Variants in TMPRSS15 observed in about 807,000 individuals in gnomAD.
TMPRSS15 encodes transmembrane serine protease 15.
TMPRSS15 carries 128 observed loss-of-function variants against 125.3 expected under a neutral mutation model. The observed-to-expected ratio is 1.02, with a 90% CI of 0.89 to 1.18. The LOEUF is 1.18. Ranked by LOEUF, TMPRSS15 falls within the 50% of genes most tolerant of loss-of-function variation. The pLI, the probability that TMPRSS15 is intolerant of heterozygous loss-of-function variation, is 0.00. For synonymous variants in TMPRSS15, 446 were observed against 423.2 expected (o/e 1.05, Z -0.66); for missense variants, 1,283 against 1,212.7 (o/e 1.06, Z -0.86).
intron 3 of TMPRSS15, among the ~76,000 whole-genome samples, chr21:18,389,192 GA>G (rs2075970764): frequency 6.7e-6 from 1 of 150,122 alleles, no homozygotes; most frequent in Non-Finnish European, 1.5e-5. Flanking sequence ...AAGAAGGAAG[GA>G]AGGAAAGAAA....
intron 1 of TMPRSS15, among the ~76,000 whole-genome samples, chr21:18,446,442 G>GA (rs1476953323): frequency 9.9e-5 from 15 of 151,938 alleles, no homozygotes; most frequent in African/African-American, 2.9e-4. Flanking sequence ...CAAAGAAATA[G>GA]AAAAAAATGC....
chr21:18,403,333 TGAA>T, intron 1 of TMPRSS15, 142 bp downstream of exon 1: 1 of 1,063,282 alleles, frequency 9.4e-7, no homozygotes, highest in Non-Finnish European at 1.4e-6. Flanking sequence ...TATTTTGTCA[TGAA>T]GATTAATTTG....
chr21:18,289,355 A>G (rs113259845), intron 21 of TMPRSS15, among the ~76,000 whole-genome samples: 1 of 152,102 alleles, frequency 6.6e-6, no homozygotes, highest in Non-Finnish European at 1.5e-5. Flanking sequence ...TCTACTAAAA[A>G]TGCAAAAGTA....
intron 7 of TMPRSS15, 128 bp downstream of exon 7, chr21:18,365,012 G>T (rs2075713168): frequency 6.6e-6 from 5 of 754,552 alleles, no homozygotes; most frequent in Non-Finnish European, 9.0e-6. Context: ...CAGTTTTTCA[G>T]TTGGGAGGTT....
chr21:18,276,290 C>T (rs1175472204), intron 23 of TMPRSS15, among the ~76,000 whole-genome samples: 3 of 152,246 alleles, frequency 2.0e-5, no homozygotes, highest in African/African-American at 7.2e-5. Flanking sequence ...ATTTTCTCTC[C>T]AGAAAAATGA....
intron 8 of TMPRSS15, among the ~76,000 whole-genome samples, chr21:18,356,249 C>T (rs1020755155): frequency 1.3e-4 from 19 of 151,812 alleles, no homozygotes; most frequent in African/African-American, 3.6e-4. Context: ...CGGCAATGGA[C>T]GGGGAAGACC....
At chr21:18,331,338 T>A (rs2075343596) in intron 14 of TMPRSS15, among the ~76,000 whole-genome samples, 1 of 152,192 alleles carries the variant, frequency 6.6e-6, no homozygotes, top group South Asian at 2.1e-4. Flanking sequence ...CTTAGTGGCC[T>A]TAACAAGGCA....
At position 18,403,581 on chromosome 21, in the gene TMPRSS15, G is replaced by C; in HGVS notation, c.42C>G (p.Leu14=). ...CTGCAAACATGATTTCATAGGAGCT[G>C]AGAGAATGATGCCTAGAAGATATGC... is the stretch of plus-strand genomic sequence containing the variant. The part of the protein sequence containing the change: ...KRGISSRHHS[L]SSYEIMFAAL... Residue 14 remains leucine (L), a synonymous_variant, in exon 1 of 25, where the codon CTC becomes CTG. Coordinates refer to ENST00000284885, the MANE Select transcript of TMPRSS15 (RefSeq NM_002772.3). The C allele has an allele frequency of 6.2e-7, 1 of 1,614,156 alleles. No individual in the cohort carries two copies. Among genetic ancestry groups the C allele is most frequent in the Non-Finnish European group, 8.5e-7 (1 of 1,180,016 alleles).
chr21:18,311,630 T>C (rs1283799834), intron 18 of TMPRSS15, among the ~76,000 whole-genome samples: 1 of 152,144 alleles, frequency 6.6e-6, no homozygotes, highest in Non-Finnish European at 1.5e-5. Flanking sequence ...ACCCATAGAC[T>C]GTTGGGGAAA....
intron 9 of TMPRSS15, 118 bp downstream of exon 9, chr21:18,353,605 T>C: frequency 1.2e-6 from 1 of 861,146 alleles, no homozygotes; most frequent in Non-Finnish European, 1.8e-6. Flanking sequence ...AAGATGCACA[T>C]ACAAGATACT....
At chr21:18,463,993 T>C (rs1978604253) in intron 1 of TMPRSS15, among the ~76,000 whole-genome samples, 1 of 151,580 alleles carries the variant, frequency 6.6e-6, no homozygotes. Context: ...GCAAACACAG[T>C]GAAACCCTGT....
rs745336763 is a variant in TMPRSS15 at position 18,365,140 on chromosome 21, C to G, written c.773G>C (p.Arg258Pro). The G allele has an allele frequency of 1.2e-6, 2 of 1,611,406 alleles. No homozygotes were observed. Among genetic ancestry groups the G allele is most frequent in the Non-Finnish European group, 1.7e-6 (2 of 1,177,606 alleles). ...CAGAAAATATAAGATCTTGTATTAC[C>G]GTATGATCCACTGGCAGACAACACT... The part of the protein sequence containing the change: ...ETSVVCQWII[R>P]VNQGLSIKLS... Residue 258 changes from arginine (R) to proline (P), a missense_variant and splice_region_variant, in exon 7 of 25, where the codon CGT becomes CCT. Physicochemically the swap from Arg to Pro is moderately radical, Grantham distance 103. Coordinates refer to ENST00000284885, the MANE Select transcript of TMPRSS15 (RefSeq NM_002772.3).
intron 6 of TMPRSS15, among the ~76,000 whole-genome samples, chr21:18,365,998 A>G (rs1352722364): frequency 1.3e-5 from 2 of 151,786 alleles, no homozygotes; most frequent in East Asian, 3.9e-4. Flanking sequence ...GACTCCCAAA[A>G]TGCTGGGATT....
At chr21:18,351,960 C>T (rs998273078) in intron 10 of TMPRSS15, among the ~76,000 whole-genome samples, 15 of 152,038 alleles carry the variant, frequency 9.9e-5, no homozygotes, top group African/African-American at 3.6e-4. Flanking sequence ...AGAACCATAG[C>T]TGGTTAGAGG....
At chr21:18,455,717 T>C (rs1213354734) in intron 1 of TMPRSS15, among the ~76,000 whole-genome samples, 2 of 152,196 alleles carry the variant, frequency 1.3e-5, no homozygotes, top group Non-Finnish European at 2.9e-5. Context: ...AAATCTAGTT[T>C]TAGGTTAGCT....
At chr21:18,280,575 CAAAAAA>C (rs1230513414) in intron 22 of TMPRSS15, among the ~76,000 whole-genome samples, 4 of 48,372 alleles carry the variant, frequency 8.3e-5, no homozygotes, top group African/African-American at 3.8e-4. Flanking sequence ...GACTCCGTCT[CAAAAAA>C]AAAAAAAAAA....
chr21:18,343,278 T>G (rs1014476553), intron 12 of TMPRSS15, among the ~76,000 whole-genome samples: 8 of 152,230 alleles, frequency 5.3e-5, no homozygotes, highest in Admixed American at 5.2e-4. Flanking sequence ...TGGACCATTA[T>G]AAGCTGTATT....
chr21:18,284,336 T>C (rs1475148694), intron 21 of TMPRSS15, among the ~76,000 whole-genome samples: 3 of 152,186 alleles, frequency 2.0e-5, no homozygotes, highest in African/African-American at 7.2e-5. Flanking sequence ...TTACAGCCAA[T>C]AGTTCTTAAG....
At chr21:18,334,995 GAAC>G (rs1274432999) in intron 13 of TMPRSS15, among the ~76,000 whole-genome samples, 16 of 152,146 alleles carry the variant, frequency 1.1e-4, no homozygotes, top group Admixed American at 7.9e-4. Flanking sequence ...ACCAAAGAAG[GAAC>G]AACAATGGAG....
Sources: gnomAD v4.1 joint callset for allele counts (sites outside exome capture counted in the v4.1 genomes callset) on GRCh38, gnomAD v4.1.1 for gene constraint, MANE v1.5 for transcripts, NCBI Gene and HGNC (gene_info 2026-07-23, HGNC 2026-07-21) for gene names.